The following ADGRD2 variants were observed in gnomAD, a reference collection of about 807,000 sequenced individuals.
The protein encoded by ADGRD2 is G protein-coupled receptor PGR24.
A neutral mutation model predicts 44.4 loss-of-function variants in ADGRD2; 71 were observed. The observed-to-expected ratio is 1.60, with a 90% confidence interval of 1.32 to 1.95. ADGRD2 has a LOEUF of 1.95. ADGRD2 is among the 30% of genes most tolerant of loss of function. ADGRD2 has a pLI of 0.00. For missense variants in ADGRD2, 1,039 were observed against 512.4 expected, an observed-to-expected ratio of 2.03 and a Z score of -9.92; for synonymous variants, 481 against 224.8, an observed-to-expected ratio of 2.14 and a Z score of -10.19.
intron 10 of ADGRD2, among the ~76,000 whole-genome samples, chr9:124,464,669 G>T (rs1355647164): frequency 1.3e-5 from 2 of 152,136 alleles, no homozygotes; most frequent in African/African-American, 4.8e-5. Flanking sequence ...TGTCTTCACT[G>T]CTTAATGACA....
rs1831564877 is a variant in ADGRD2 at position 124,454,066 on chromosome 9, G to A, written c.993G>A (p.Glu331=). Residue 331 remains glutamate, a synonymous_variant, in exon 4 of 22, where the codon GAG becomes GAA. Coordinates refer to ENST00000334810, the Ensembl canonical transcript of ADGRD2. The surrounding 1 kb of genome is among the most constrained non-coding windows in gnomAD (Gnocchi z 4.5). The stretch of plus-strand genomic sequence containing the variant: ...GTGAGGGCTCTGAGCTCTGCCTGGA[G>A]CCGCAGCCCTTCCTCTGCTGCTACC... 1.4e-6 allele frequency: 1 copy of A among 713,876 alleles called. No homozygotes were observed. Among genetic ancestry groups the A allele is most frequent in the South Asian group, 1.5e-5 (1 of 67,086 alleles). 44.2% of individuals were successfully genotyped at this position (713,876 alleles called of 1,614,324 possible).
upstream of ADGRD2, among the ~76,000 whole-genome samples, chr9:124,450,578 ATTGGCGC>A (rs1022778125): frequency 6.6e-6 from 1 of 152,238 alleles, no homozygotes; most frequent in African/African-American, 2.4e-5. Flanking sequence ...ACTCAGGCCC[ATTGGCGC>A]CTCGCGGAGG....
chr9:124,457,991 G>T (rs2131235402), intron 8 of ADGRD2, 122 bp from the exon 12 acceptor site: 1 of 646,342 alleles, frequency 1.5e-6, no homozygotes, highest in South Asian at 1.8e-5. Flanking sequence ...AGGGAAGTCA[G>T]TTTACCTCTC....
At chr9:124,472,721 T>TCA (rs1831973763) in intron 17 of ADGRD2, among the ~76,000 whole-genome samples, 1 of 152,166 alleles carries the variant, frequency 6.6e-6, no homozygotes, top group South Asian at 2.1e-4. Context: ...TTGCCCAGGT[T>TCA]GGTCTTGAAC....
At chr9:124,477,105 C>T in intron 21 of ADGRD2, 3 of 498,926 alleles carry the variant, frequency 6.0e-6, no homozygotes, top group South Asian at 3.1e-5. Flanking sequence ...GCCTGATGCC[C>T]TAGGATCCAG....
chr9:124,463,644 T>C (rs1831759006), intron 10 of ADGRD2, among the ~76,000 whole-genome samples: 1 of 152,228 alleles, frequency 6.6e-6, no homozygotes, highest in Non-Finnish European at 1.5e-5. Context: ...TTGGGTGTTT[T>C]ATTTCTTCTT....
chr9:124,452,696 C>T (rs1438849570), exon 2 of ADGRD2: 1 of 715,822 alleles, frequency 1.4e-6, no homozygotes, highest in South Asian at 1.5e-5. Context: ...CAAAGAGAGG[C>T]CCCTCTGCGG....
In ADGRD2 at chr9:124,474,490, G is replaced by T. The variant is rs1175322308; in HGVS notation, c.2759-956G>T. On this transcript the variant is annotated intron_variant, in intron 17 of 21. Transcript: ENST00000334810. ...GGCCTGGAGACCTGGGAGGCTTTGG[G>T]GTCTGTCTTGGAGAATGGGGGTGGT... Among the ~76,000 whole-genome samples the T allele has an allele frequency of 2.6e-5, 4 of 152,222 alleles. No homozygotes were observed. The East Asian group carries it at 7.7e-4, about 29-fold the overall frequency.
chr9:124,476,997 A>AG, intron 21 of ADGRD2: 2 of 661,662 alleles, frequency 3.0e-6, no homozygotes, highest in Non-Finnish European at 2.9e-6. Flanking sequence ...CTCTCTGCCC[A>AG]GGGGGGCGCT....
intron 3 of ADGRD2, 134 bp downstream of exon 6, chr9:124,453,810 A>C: frequency 1.6e-6 from 1 of 609,066 alleles, no homozygotes; most frequent in South Asian, 1.9e-5. Flanking sequence ...CAGTGCCTGC[A>C]AGCTCCAGCA....
chr9:124,459,683 TA>T, intron 10 of ADGRD2, among the ~76,000 whole-genome samples: 1 of 152,310 alleles, frequency 6.6e-6, no homozygotes, highest in East Asian at 1.9e-4. Context: ...ATTTATATTT[TA>T]TTTCCTAAGC....
chr9:124,456,700 C>T (rs962954130), exon 7 of ADGRD2: 19 of 713,260 alleles, frequency 2.7e-5, no homozygotes, highest in Non-Finnish European at 4.4e-5. Context: ...GACCTCAGAG[C>T]GGCCCCGAAT....
At chr9:124,464,706 T>A (rs888767822) in intron 10 of ADGRD2, among the ~76,000 whole-genome samples, 2 of 152,248 alleles carry the variant, frequency 1.3e-5, no homozygotes, top group Non-Finnish European at 1.5e-5. Context: ...TTTTTGTCAT[T>A]GTTTAATTAC....
intron 2 of ADGRD2, 57 bp downstream of exon 5, chr9:124,452,779 G>T: frequency 1.5e-6 from 1 of 680,104 alleles, no homozygotes; most frequent in Non-Finnish European, 2.7e-6. Flanking sequence ...GTGACCTTCA[G>T]ATATAGGAGC....
At position 124,454,092 on chromosome 9, in the gene ADGRD2, G is replaced by A. The variant is rs1226577516; in HGVS notation, c.1019G>A (p.Arg340Gln). ...CCGCAGCCCTTCCTCTGCTGCTACC[G>A]GACAGGTGCGCCCTGGCTGTACCCC... The change falls in exon 4 of 22, where the codon CGG (arginine) becomes CAG (glutamine). Residue 340 changes from arginine to glutamine, a missense_variant. Coordinates refer to ENST00000334810, the Ensembl canonical transcript of ADGRD2. The surrounding 1 kb of genome is among the most constrained non-coding windows in gnomAD (Gnocchi z 4.5). 7.1e-6 allele frequency: 5 copies of A among 703,372 alleles called. No individual in the cohort carries two copies. Among genetic ancestry groups the A allele is most frequent in the Non-Finnish European group, 1.1e-5 (4 of 378,880 alleles). 43.6% of individuals were successfully genotyped at this position (703,372 alleles called of 1,614,324 possible).
At chr9:124,469,084 G>A (rs1831889591) in intron 14 of ADGRD2, 138 bp from the exon 18 acceptor site, 2 of 609,836 alleles carry the variant, frequency 3.3e-6, no homozygotes, top group Non-Finnish European at 5.9e-6. Context: ...AGAGCCCCCA[G>A]CCCTGCTCCT....
chr9:124,454,398 C>A lies in ADGRD2; in HGVS notation c.1023-86C>A. On this transcript the variant is annotated intron_variant, in intron 4 of 21. Coordinates refer to ENST00000334810, the Ensembl canonical transcript of ADGRD2. This position sits in a 1 kb window ranked among gnomAD's most constrained non-coding sequence, Gnocchi z 4.5. ...GGTGCTCTTCCTTCCCTGGGCAGCA[C>A]GTGGTGGGTGGAGGTCACTGAACAG... 3.0e-6 allele frequency: 2 copies of A among 663,892 alleles called. No homozygotes were observed. The highest frequency in any genetic ancestry group is 5.5e-5 in the East Asian group (2 of 36,364). 41.1% of individuals were successfully genotyped at this position (663,892 alleles called of 1,614,324 possible). A position where few individuals can be genotyped will look rare whatever the true frequency, so the allele number is the denominator to read the frequency against.
chr9:124,471,383 C>T (rs909189167), intron 17 of ADGRD2, among the ~76,000 whole-genome samples: 1 of 152,218 alleles, frequency 6.6e-6, no homozygotes, highest in Non-Finnish European at 1.5e-5. Flanking sequence ...GTGCCAGGCT[C>T]AGGAAGTCAG....
At chr9:124,469,136 C>T in intron 14 of ADGRD2, 86 bp from the exon 18 acceptor site, 1 of 650,640 alleles carries the variant, frequency 1.5e-6, no homozygotes, top group East Asian at 2.7e-5. Flanking sequence ...CAGTAGGGGA[C>T]AGCTGCGGCT....
Sources: gnomAD v4.1 joint callset for allele counts (sites outside exome capture counted in the v4.1 genomes callset) on GRCh38, gnomAD v4.1.1 for gene constraint, Gnocchi (gnomAD v3.1) non-coding constraint, MANE v1.5 for transcripts, NCBI Gene and HGNC (gene_info 2026-07-23, HGNC 2026-07-21) for gene names.